Variants in RIMBP2 observed in about 807,000 individuals in gnomAD.
RIMBP2 encodes RIMS-binding protein 2.
Under a neutral mutation model 118.6 loss-of-function variants are expected in RIMBP2, and 48 were observed. The ratio of observed to expected loss-of-function variants is 0.40; its 90% CI spans 0.32 to 0.51. The LOEUF (loss-of-function observed/expected upper bound fraction) is 0.51. RIMBP2 is among the 20% of genes least tolerant of loss of function. The pLI, the probability that RIMBP2 is intolerant of heterozygous loss-of-function variation, is 0.41. For missense variants in RIMBP2, 1,551 were observed against 1,768.3 expected (o/e 0.88, Z 2.20); for synonymous variants, 762 against 742.9 (o/e 1.03, Z -0.42).
intron 11 of RIMBP2, among the ~76,000 whole-genome samples, chr12:130,440,864 C>T (rs2078061432): frequency 1.3e-5 from 2 of 152,150 alleles, no homozygotes; most frequent in African/African-American, 2.4e-5. Context: ...AATATCAGAG[C>T]GGGCAGTGGA....
At chr12:130,509,120 G>A (rs1175337295) in intron 3 of RIMBP2, among the ~76,000 whole-genome samples, 2 of 152,220 alleles carry the variant, frequency 1.3e-5, no homozygotes, top group African/African-American at 4.8e-5. Context: ...TGGCGAGCCT[G>A]GCCCTTGGCT....
intron 1 of RIMBP2, among the ~76,000 whole-genome samples, chr12:130,690,458 G>T (rs984167671): frequency 6.6e-6 from 1 of 152,178 alleles, no homozygotes; most frequent in Admixed American, 6.5e-5. Flanking sequence ...ATTTCAGAAT[G>T]CAGAAAGAAG....
chr12:130,617,954 C>T lies in RIMBP2; in HGVS notation c.-217+10368G>A, dbSNP rs1219689576. On this transcript the variant is annotated intron_variant, in intron 2 of 22. Coordinates refer to ENST00000690449, the MANE Select transcript of RIMBP2 (RefSeq NM_001393629.1). This position sits in a 1 kb window ranked among gnomAD's most constrained non-coding sequence, Gnocchi z 4.6. ...CGCCTGTAATCCCAGTACCTTGGGA[C>T]GCTGAGGCGGGAGGATCACTTGAGC... Among the ~76,000 whole-genome samples the T allele has an allele frequency of 1.5e-5, 2 of 133,504 alleles. No individual in the cohort carries two copies. The highest frequency in any genetic ancestry group is 3.1e-5 in the Non-Finnish European group (2 of 64,846). 87.6% of individuals were successfully genotyped at this position (133,504 alleles called of 152,430 possible).
intron 2 of RIMBP2, among the ~76,000 whole-genome samples, chr12:130,534,782 T>C (rs1295942151): frequency 6.6e-6 from 1 of 152,182 alleles, no homozygotes; most frequent in Admixed American, 6.5e-5. Flanking sequence ...CAGACACCTC[T>C]AGGAGTTACG....
At chr12:130,612,031 C>T (rs1012726015) in intron 2 of RIMBP2, among the ~76,000 whole-genome samples, 6 of 152,298 alleles carry the variant, frequency 3.9e-5, no homozygotes, top group East Asian at 1.9e-4. Flanking sequence ...CTGAAGAGCC[C>T]GCAGGGCCTG....
intron 4 of RIMBP2, among the ~76,000 whole-genome samples, chr12:130,493,401 A>G (rs898762244): frequency 2.6e-5 from 4 of 151,500 alleles, no homozygotes; most frequent in Non-Finnish European, 5.9e-5. Flanking sequence ...TGCAACCTCC[A>G]CCTCCTGAGT....
Position 130,451,245 on chromosome 12 carries a change from G to A in RIMBP2, c.454C>T (p.Pro152Ser), listed in dbSNP as rs768296235. ...GDRPEPLSAK[P>S]TFLSRSGSAR... ...CTACCGGATCTCGACAGGAAGGTGG[G>A]CTTGGCGGACAGAGGCTCCGGCCTG... Residue 152 changes from proline to serine, a missense_variant, in exon 8 of 23, where the codon CCC (proline) becomes TCC (serine). Around this residue, in one of 5 missense-constraint regions of RIMBP2, gnomAD observed 239 missense variants for 256.8 expected, o/e 0.93. Transcript: ENST00000690449. 32 of 1,614,084 alleles carry A rather than the reference G, an allele frequency of 2.0e-5. 2 individuals carry two copies. The South Asian group carries it at 3.1e-4, about 16-fold the overall frequency.
intron 1 of RIMBP2, chr12:130,667,574 A>G (rs1424707561): frequency 6.6e-6 from 1 of 152,214 alleles, no homozygotes; most frequent in Non-Finnish European, 1.5e-5. Context: ...AACAGCCACC[A>G]CCCTGCTTCC....
intron 2 of RIMBP2, among the ~76,000 whole-genome samples, chr12:130,518,428 G>C (rs904751732): frequency 6.6e-6 from 1 of 152,220 alleles, no homozygotes; most frequent in African/African-American, 2.4e-5. Context: ...GGAGAATTAA[G>C]AGTCCAGCTT....
At chr12:130,478,339 G>A (rs537924066) in intron 5 of RIMBP2, among the ~76,000 whole-genome samples, 1 of 152,270 alleles carries the variant, frequency 6.6e-6, no homozygotes, top group Admixed American at 6.5e-5. Flanking sequence ...ACAGCCTCAA[G>A]ACAGCAGAAT....
intron 2 of RIMBP2, among the ~76,000 whole-genome samples, chr12:130,562,875 G>A (rs118017114): frequency 1.1e-3 from 170 of 152,316 alleles, no homozygotes; most frequent in Non-Finnish European, 1.8e-3. Context: ...ACATTCAAGA[G>A]TGAAGGGAAT....
chr12:130,442,620 G>A lies in RIMBP2; in HGVS notation c.732C>T (p.Asn244=). Residue 244 remains asparagine (N), a synonymous_variant, in exon 11 of 23, where the codon AAC becomes AAT. Transcript: ENST00000690449. The surrounding 1 kb of genome is among the most constrained non-coding windows in gnomAD (Gnocchi z 6.9). ...CGTTGTCCTGCACAAAGTCCACGAA[G>A]TTGGAGGGCACCAGACCCCTCTGGC... ...LDGQRGLVPS[N]FVDFVQDNES... 6.2e-7 allele frequency: 1 copy of A among 1,614,236 alleles called. No individual in the cohort carries two copies. Among genetic ancestry groups the A allele is most frequent in the South Asian group, 1.1e-5 (1 of 91,088 alleles).
At chr12:130,513,084 T>C (rs1312453792) in intron 3 of RIMBP2, among the ~76,000 whole-genome samples, 1 of 152,202 alleles carries the variant, frequency 6.6e-6, no homozygotes, top group Non-Finnish European at 1.5e-5. Flanking sequence ...TACAACCTTT[T>C]GGGTTTCTGG....
intron 2 of RIMBP2, among the ~76,000 whole-genome samples, chr12:130,542,841 A>G (rs1181895619): frequency 6.6e-6 from 1 of 152,192 alleles, no homozygotes; most frequent in African/African-American, 2.4e-5. Flanking sequence ...TAGGAACACA[A>G]CTTGTTTATG....
intron 1 of RIMBP2, among the ~76,000 whole-genome samples, chr12:130,685,478 C>T (rs926881580): frequency 1.3e-5 from 2 of 152,170 alleles, no homozygotes; most frequent in Non-Finnish European, 2.9e-5. Flanking sequence ...GGGCAGGCGC[C>T]GTTGCCCTAT....
chr12:130,659,534 A>G (rs1305083683), intron 1 of RIMBP2, among the ~76,000 whole-genome samples: 1 of 151,056 alleles, frequency 6.6e-6, no homozygotes, highest in Non-Finnish European at 1.5e-5. Flanking sequence ...ATGCCACTGC[A>G]CTCCAGCCTG....
intron 2 of RIMBP2, among the ~76,000 whole-genome samples, chr12:130,595,120 C>T (rs1053905928): frequency 1.3e-5 from 2 of 152,206 alleles, no homozygotes; most frequent in Non-Finnish European, 2.9e-5. Flanking sequence ...TAAAGACATA[C>T]AGTTAGTAGC....
intron 2 of RIMBP2, among the ~76,000 whole-genome samples, chr12:130,611,157 T>C (rs372782797): frequency 2.6e-5 from 4 of 152,204 alleles, no homozygotes; most frequent in East Asian, 3.9e-4. Flanking sequence ...GCCACTGACA[T>C]GGGCTCCGGC....
chr12:130,711,328 GA>G (rs1175147098), intron 1 of RIMBP2, among the ~76,000 whole-genome samples: 1 of 152,176 alleles, frequency 6.6e-6, no homozygotes, highest in East Asian at 1.9e-4. Flanking sequence ...CTTGTCCAGG[GA>G]AAAATTAAGA....
Sources: gnomAD v4.1 joint callset for allele counts (sites outside exome capture counted in the v4.1 genomes callset) on GRCh38, gnomAD v4.1.1 for gene constraint, gnomAD v4.1.1 regional missense constraint, Gnocchi (gnomAD v3.1) non-coding constraint, MANE v1.5 for transcripts, NCBI Gene and HGNC (gene_info 2026-07-23, HGNC 2026-07-21) for gene names.